The following KIF16B variants were observed in gnomAD, a reference collection of about 807,000 sequenced individuals.
The protein encoded by KIF16B is kinesin-like protein KIF16B.
A neutral mutation model predicts 156.3 loss-of-function variants in KIF16B; 98 were observed. That is an observed-to-expected ratio of 0.63 (90% CI 0.53 to 0.74). The LOEUF is 0.74. Ranked by LOEUF, KIF16B falls within the 30% of genes least tolerant of loss-of-function variation. The pLI, the probability that KIF16B is intolerant of heterozygous loss-of-function variation, is 0.00. For missense variants in KIF16B, 1,421 were observed against 1,606.5 expected, an observed-to-expected ratio of 0.88 and a Z score of 1.97; for synonymous variants, 564 against 583.7, an observed-to-expected ratio of 0.97 and a Z score of 0.49.
intron 25 of KIF16B, among the ~76,000 whole-genome samples, chr20:16,280,125 G>A (rs2045589696): frequency 6.6e-6 from 1 of 152,322 alleles, no homozygotes; most frequent in Non-Finnish European, 1.5e-5. Flanking sequence ...GGAGTTACTG[G>A]AAAAATGTGG....
Position 16,393,809 on chromosome 20 carries a change from A to G in KIF16B, c.1784+11004T>C, listed in dbSNP as rs1365817167. On this transcript the variant is annotated intron_variant, in intron 17 of 25. Coordinates refer to ENST00000354981, the MANE Select transcript of KIF16B (RefSeq NM_024704.5). ...GAGTTTGGTAAATCCTCTTTGAGGA[A>G]GTGACATTTACATGGAGATTTTGGA... 3.9e-5 allele frequency among the ~76,000 whole-genome samples: 6 copies of G among 152,222 alleles called. No homozygotes were observed. The East Asian group carries it at 1.2e-3, about 29-fold the overall frequency.
chr20:16,383,309 G>A (rs1218757357), intron 17 of KIF16B, among the ~76,000 whole-genome samples: 1 of 152,146 alleles, frequency 6.6e-6, no homozygotes, highest in Non-Finnish European at 1.5e-5. Context: ...CTTCTCCAAG[G>A]TCACAGTGGT....
intron 23 of KIF16B, among the ~76,000 whole-genome samples, chr20:16,355,174 G>A (rs1025263122): frequency 3.9e-5 from 6 of 152,146 alleles, no homozygotes; most frequent in African/African-American, 1.4e-4. Flanking sequence ...TCAGAGCCCA[G>A]GGCTGCCCTG....
At chr20:16,326,204 T>C (rs2063845427) in intron 24 of KIF16B, among the ~76,000 whole-genome samples, 2 of 151,512 alleles carry the variant, frequency 1.3e-5, no homozygotes, top group African/African-American at 2.4e-5. Flanking sequence ...TTCTAGAAGA[T>C]AACATTGGAA....
At chr20:16,568,530 C>T (rs994765105) in intron 1 of KIF16B, among the ~76,000 whole-genome samples, 3 of 152,158 alleles carry the variant, frequency 2.0e-5, no homozygotes, top group Non-Finnish European at 4.4e-5. Context: ...TCACACCCAA[C>T]TGCAGCTCTT....
intron 2 of KIF16B, among the ~76,000 whole-genome samples, chr20:16,527,322 G>A (rs2069582709): frequency 1.3e-5 from 2 of 152,204 alleles, no homozygotes; most frequent in South Asian, 2.1e-4. Flanking sequence ...AGGCTGCCCA[G>A]TTGGAAGATG....
At chr20:16,299,918 A>T (rs1303111820) in intron 25 of KIF16B, among the ~76,000 whole-genome samples, 2 of 152,196 alleles carry the variant, frequency 1.3e-5, no homozygotes, top group African/African-American at 4.8e-5. Context: ...GGTCACTTAG[A>T]ATATCGCAAA....
Position 16,522,833 on chromosome 20 carries a change from T to G in KIF16B, c.231+3259A>C, listed in dbSNP as rs145445341. ...TAACAAACAGTCTCTCAAACCACAC[T>G]GCAATCAAATTAGAAGTCAGGATTG... On this transcript the variant is annotated intron_variant, in intron 3 of 25. Coordinates refer to ENST00000354981, the MANE Select transcript of KIF16B (RefSeq NM_024704.5). Among the ~76,000 whole-genome samples the G allele has an allele frequency of 3.9e-3, 596 of 152,240 alleles. 5 individuals carry two copies. The highest frequency in any genetic ancestry group is 0.023 in the East Asian group (117 of 5,186).
rs750874985 is a variant in KIF16B at position 16,367,121 on chromosome 20, T to A, written c.3498+3465A>T. The A allele has an allele frequency of 3.9e-6, 6 of 1,534,766 alleles. No individual in the cohort carries two copies. The South Asian group carries it at 5.2e-5, about 13-fold the overall frequency. On this transcript the variant is annotated intron_variant, in intron 22 of 25. Transcript: ENST00000354981. The stretch of plus-strand genomic sequence containing the variant: ...TTTATTAATGATCTCAAAAAACATG[T>A]AGTGCATCTTTAAAAGTCTCCTCCT...
At chr20:16,408,956 T>G (rs2065853510) in intron 15 of KIF16B, among the ~76,000 whole-genome samples, 1 of 152,150 alleles carries the variant, frequency 6.6e-6, no homozygotes, top group Non-Finnish European at 1.5e-5. Flanking sequence ...TGTATGCCAG[T>G]CACTGTGATA....
At chr20:16,566,952 C>T (rs1442038757) in intron 1 of KIF16B, among the ~76,000 whole-genome samples, 1 of 152,196 alleles carries the variant, frequency 6.6e-6, no homozygotes. Flanking sequence ...AAGAAAAGTC[C>T]TCACAACACC....
In KIF16B at chr20:16,427,292, A is replaced by G. The variant is rs369081868; in HGVS notation, c.1475-51T>C. ...GAATTTTTCCCCCTTTTCTACTGCA[A>G]TGATTCCCAGCTATTTATCTATAAA... On this transcript the variant is annotated intron_variant, in intron 14 of 25. Transcript: ENST00000354981. 35 of 1,495,228 alleles carry G rather than the reference A, an allele frequency of 2.3e-5. No individual in the cohort carries two copies. The Middle Eastern group carries it at 5.2e-4, about 22-fold the overall frequency. 92.6% of individuals were successfully genotyped at this position (1,495,228 alleles called of 1,614,324 possible). A position where few individuals can be genotyped will look rare whatever the true frequency, so the allele number is the denominator to read the frequency against.
At chr20:16,445,083 T>C (rs1230369867) in intron 12 of KIF16B, among the ~76,000 whole-genome samples, 1 of 152,102 alleles carries the variant, frequency 6.6e-6, no homozygotes, top group Non-Finnish European at 1.5e-5. Flanking sequence ...GCACCTATAG[T>C]CCTAGCTACT....
At chr20:16,446,413 G>A (rs1245541029) in intron 12 of KIF16B, among the ~76,000 whole-genome samples, 6 of 152,052 alleles carry the variant, frequency 3.9e-5, no homozygotes, top group Non-Finnish European at 8.8e-5. Context: ...TTTTTTAAAT[G>A]TCACTGCGTA....
chr20:16,512,382 G>A (rs2068984159), intron 5 of KIF16B, among the ~76,000 whole-genome samples: 1 of 152,130 alleles, frequency 6.6e-6, no homozygotes, highest in African/African-American at 2.4e-5. Context: ...AACTACCGAA[G>A]AGACTGGCTC....
intron 3 of KIF16B, among the ~76,000 whole-genome samples, chr20:16,525,108 T>C (rs1216893026): frequency 2.0e-5 from 3 of 152,126 alleles, no homozygotes; most frequent in Non-Finnish European, 4.4e-5. Flanking sequence ...CAAACCGCCA[T>C]GGCACGTGTA....
intron 1 of KIF16B, among the ~76,000 whole-genome samples, chr20:16,566,380 T>C (rs1252225293): frequency 1.3e-5 from 2 of 152,200 alleles, no homozygotes; most frequent in African/African-American, 4.8e-5. Context: ...CCTTGGCAAA[T>C]GGTAAATAAA....
rs1379814769 is a variant in KIF16B, at chr20:16,469,252, C to CT, written c.1302+25038dup. Among the ~76,000 whole-genome samples the CT allele has an allele frequency of 6.5e-5, 4 of 61,288 alleles. No homozygotes were observed. The Admixed American group carries it at 9.1e-4, about 14-fold the overall frequency. The allele number at this position is 61,288 out of a possible 152,430, so 40.2% of individuals were successfully genotyped here. ...TGGGTGACAGAGCAGGACCCTGTGTCTTAAAAAAAAAAAAAAAAAAAAAAA... is the reference window on the plus strand; with the variant it reads ...TGGGTGACAGAGCAGGACCCTGTGTCTTTAAAAAAAAAAAAAAAAAAAAAAA... On this transcript the variant is annotated intron_variant, in intron 12 of 25. Transcript: ENST00000354981.
At chr20:16,501,939 T>C (rs1243796909) in intron 10 of KIF16B, among the ~76,000 whole-genome samples, 2 of 152,014 alleles carry the variant, frequency 1.3e-5, no homozygotes, top group African/African-American at 4.8e-5. Flanking sequence ...GTTAGATGGG[T>C]GAATTTAGCT....
Sources: allele counts gnomAD v4.1 joint callset (sites outside exome capture counted in the v4.1 genomes callset), GRCh38; gene constraint gnomAD v4.1.1; transcripts MANE v1.5; gene names NCBI Gene and HGNC (gene_info 2026-07-23, HGNC 2026-07-21).